Variants in VPS13B observed in about 807,000 individuals in gnomAD.
The protein encoded by VPS13B is vacuolar protein sorting 13 homolog B.
VPS13B carries 285 observed loss-of-function variants against 426.4 expected under a neutral mutation model. The observed-to-expected ratio is 0.67, with a 90% CI of 0.61 to 0.74. The LOEUF (loss-of-function observed/expected upper bound fraction) is 0.74. VPS13B is among the 30% of genes least tolerant of loss of function. The probability of loss-of-function intolerance (pLI) is 0.00; values close to 1 mark genes in which losing one functional copy is unlikely to be tolerated. For synonymous variants in VPS13B, 1,676 were observed against 1,676.4 expected, an observed-to-expected ratio of 1.00 and a Z score of 0.01; for missense variants, 4,537 against 4,782.6, an observed-to-expected ratio of 0.95 and a Z score of 1.51.
At chr8:99,059,408 C>T (rs1218900323) in intron 3 of VPS13B, among the ~76,000 whole-genome samples, 2 of 152,178 alleles carry the variant, frequency 1.3e-5, no homozygotes, top group Non-Finnish European at 2.9e-5. Context: ...CTCCTGAGCT[C>T]TTAGCTATTT....
intron 30 of VPS13B, among the ~76,000 whole-genome samples, chr8:99,525,692 A>G (rs994040996): frequency 2.6e-5 from 4 of 152,258 alleles, no homozygotes; most frequent in Non-Finnish European, 4.4e-5. Context: ...CTGCTCTCAC[A>G]GAACTTACAT....
intron 28 of VPS13B, chr8:99,507,675 TGAG>T: frequency 1.3e-6 from 2 of 1,569,928 alleles, no homozygotes; most frequent in Admixed American, 1.8e-5. Context: ...TATACAAACT[TGAG>T]GAGAATTTAA....
intron 35 of VPS13B, among the ~76,000 whole-genome samples, chr8:99,663,639 T>C (rs1293680145): frequency 6.6e-6 from 1 of 152,200 alleles, no homozygotes; most frequent in Non-Finnish European, 1.5e-5. Context: ...TGAAGACACT[T>C]CCTGATTTCA....
At chr8:99,326,429 TTCTA>T (rs1176089970) in intron 19 of VPS13B, among the ~76,000 whole-genome samples, 3 of 146,690 alleles carry the variant, frequency 2.0e-5, no homozygotes, top group Admixed American at 6.8e-5. Flanking sequence ...AAGGCAGAAT[TTCTA>T]TCTATCATCT....
intron 14 of VPS13B, among the ~76,000 whole-genome samples, chr8:99,155,085 C>G (rs773168618): frequency 6.6e-6 from 1 of 151,050 alleles, no homozygotes; most frequent in Non-Finnish European, 1.5e-5. Flanking sequence ...AAAAAAAGCA[C>G]CAAATTAAAT....
intron 15 of VPS13B, among the ~76,000 whole-genome samples, chr8:99,167,770 A>T (rs1812096424): frequency 6.6e-6 from 1 of 152,128 alleles, no homozygotes; most frequent in Non-Finnish European, 1.5e-5. Context: ...ATTTAATGAG[A>T]TGTGTAAGTT....
At chr8:99,632,942 C>T (rs974115183) in intron 33 of VPS13B, among the ~76,000 whole-genome samples, 5 of 151,870 alleles carry the variant, frequency 3.3e-5, no homozygotes, top group African/African-American at 1.2e-4. Flanking sequence ...GAGAATCTAG[C>T]ATTAATTACA....
At position 99,621,865 on chromosome 8, in the gene VPS13B, C is replaced by T. The variant is rs563905278; in HGVS notation, c.5221-19946C>T. ...TTTTTGAGACAGAGTCTCGCTCTGT[C>T]ACCCAGCACCCAGGCTGCAGTGCAG... On this transcript the variant is annotated intron_variant, in intron 33 of 61. Coordinates refer to ENST00000357162, the MANE Select transcript of VPS13B (RefSeq NM_152564.5). Among the ~76,000 whole-genome samples the T allele has an allele frequency of 8.6e-5, 10 of 116,388 alleles. No individual in the cohort carries two copies. In the South Asian group the frequency reaches 2.6e-3, roughly 30 times the overall value. 76.4% of individuals were successfully genotyped at this position (116,388 alleles called of 152,430 possible). A position where few individuals can be genotyped will look rare whatever the true frequency, so the allele number is the denominator to read the frequency against.
chr8:99,697,408 C>G, intron 35 of VPS13B: 1 of 643,556 alleles, frequency 1.6e-6, no homozygotes, highest in Non-Finnish European at 2.8e-6. Context: ...AAGGACACTG[C>G]CCCCTGCTAG....
intron 31 of VPS13B, among the ~76,000 whole-genome samples, chr8:99,567,594 T>C (rs1825250937): frequency 1.3e-5 from 2 of 152,274 alleles, no homozygotes; most frequent in South Asian, 4.1e-4. Context: ...TTTCAAGCTG[T>C]AGTTCTTGTA....
chr8:99,173,057 T>G (rs1382346329), intron 16 of VPS13B, among the ~76,000 whole-genome samples: 1 of 152,206 alleles, frequency 6.6e-6, no homozygotes, highest in Non-Finnish European at 1.5e-5. Context: ...CTCAGAGAAA[T>G]GTGTGAAAAC....
chr8:99,657,935 C>T (rs1021349751), intron 34 of VPS13B, among the ~76,000 whole-genome samples: 1 of 152,160 alleles, frequency 6.6e-6, no homozygotes, highest in Non-Finnish European at 1.5e-5. Flanking sequence ...TTTGTTTCTT[C>T]TCCTTCTCCC....
At chr8:99,162,825 G>T (rs1341332059) in intron 15 of VPS13B, among the ~76,000 whole-genome samples, 1 of 152,186 alleles carries the variant, frequency 6.6e-6, no homozygotes, top group Non-Finnish European at 1.5e-5. Flanking sequence ...ACCCGAGCGG[G>T]TTGCCAATGC....
chr8:99,391,778 C>G, intron 21 of VPS13B, 74 bp downstream of exon 21: 1 of 1,550,836 alleles, frequency 6.4e-7, no homozygotes, highest in Non-Finnish European at 8.8e-7. Flanking sequence ...TCCACAATTT[C>G]ATGGATGCTG....
rs1358922590 is a variant in VPS13B at position 99,675,305 on chromosome 8, AGT to A, written c.6046+13818_6046+13819del. Among the ~76,000 whole-genome samples, 4 of 152,264 alleles carry A rather than the reference AGT, an allele frequency of 2.6e-5. No individual in the cohort carries two copies. The East Asian group carries it at 7.7e-4, about 29-fold the overall frequency. Reference sequence around the variant, plus strand: ...CTGTAAGATTTATTCTCTGTTGAGAAGTGTGCTGCTCAGTGTATTAGAATATC... The same window carrying A: ...CTGTAAGATTTATTCTCTGTTGAGAAGTGCTGCTCAGTGTATTAGAATATC... On this transcript the variant is annotated intron_variant, in intron 35 of 61. Coordinates refer to ENST00000357162, the MANE Select transcript of VPS13B (RefSeq NM_152564.5).
chr8:99,034,754 T>G (rs1245457382), intron 2 of VPS13B, among the ~76,000 whole-genome samples: 1 of 152,222 alleles, frequency 6.6e-6, no homozygotes, highest in Non-Finnish European at 1.5e-5. Context: ...GCTGCTGAGC[T>G]GTCTGTTGTT....
intron 22 of VPS13B, among the ~76,000 whole-genome samples, chr8:99,437,825 A>G (rs1817469205): frequency 6.6e-6 from 1 of 152,196 alleles, no homozygotes; most frequent in South Asian, 2.1e-4. Flanking sequence ...CTGCTCATTA[A>G]CAAAGATTCT....
At chr8:99,196,383 G>T (rs1229323940) in intron 17 of VPS13B, among the ~76,000 whole-genome samples, 1 of 150,146 alleles carries the variant, frequency 6.7e-6, no homozygotes, top group East Asian at 1.9e-4. Flanking sequence ...AAATGGTACT[G>T]ATTTTTACAT....
chr8:99,593,566 C>T (rs976470867), intron 33 of VPS13B, among the ~76,000 whole-genome samples: 3 of 152,038 alleles, frequency 2.0e-5, no homozygotes, highest in Non-Finnish European at 4.4e-5. Flanking sequence ...GTTATATACC[C>T]AAAGGAATAT....
Sources: gnomAD v4.1 joint callset for allele counts (sites outside exome capture counted in the v4.1 genomes callset) on GRCh38, gnomAD v4.1.1 for gene constraint, MANE v1.5 for transcripts, NCBI Gene and HGNC (gene_info 2026-07-23, HGNC 2026-07-21) for gene names.